The following SAXO3 variants were observed in gnomAD, a reference collection of about 807,000 sequenced individuals.
SAXO3 encodes the protein stabilizer of axonemal microtubules 3.
the SAXO3 span, chr19:49,018,848 G>A: frequency 1.2e-4 from 187 of 1,515,364 alleles, no homozygotes; most frequent in Non-Finnish European, 1.5e-4. Flanking sequence ...TGCAGGAGGC[G>A]GTGCCGAGCG....
At chr19:49,018,891 T>C in the SAXO3 span, 2 of 1,534,028 alleles carry the variant, frequency 1.3e-6, no homozygotes, top group Non-Finnish European at 1.7e-6. Context: ...GAACCGAAAG[T>C]CCCGCGCCGA....
the SAXO3 span, chr19:49,019,722 C>T: frequency 4.3e-6 from 5 of 1,170,604 alleles, no homozygotes; most frequent in South Asian, 1.1e-4. Flanking sequence ...CGCGCGGGTC[C>T]CCGCTGGGAG....
chr19:49,018,187 G>C, the SAXO3 span: 2 of 433,722 alleles, frequency 4.6e-6, no homozygotes, highest in Middle Eastern at 6.0e-4. Context: ...AGGTCACCGG[G>C]CTGACGCGCG....
chr19:49,019,454 G>C, the SAXO3 span: 1 of 1,254,700 alleles, frequency 8.0e-7, no homozygotes, highest in Non-Finnish European at 1.0e-6. Flanking sequence ...CAGCTTAGGA[G>C]CCCTGAAGGT....
the SAXO3 span, chr19:49,019,666 T>A: frequency 8.2e-7 from 1 of 1,217,748 alleles, no homozygotes; most frequent in Non-Finnish European, 1.0e-6. Flanking sequence ...ACCCCCGCGG[T>A]GGTGGTCTGC....
the SAXO3 span, chr19:49,018,928 C>G: frequency 6.5e-7 from 1 of 1,534,442 alleles, no homozygotes; most frequent in African/African-American, 1.4e-5. Flanking sequence ...TGGCGGCGGT[C>G]CAGGACGCCC....
the SAXO3 span, chr19:49,019,932 C>T: frequency 2.7e-6 from 4 of 1,496,562 alleles, no homozygotes; most frequent in African/African-American, 5.6e-5. Flanking sequence ...TCCTTGATCC[C>T]CACAGTCCGC....
At chr19:49,017,969 C>G in the SAXO3 span, 1 of 398,418 alleles carries the variant, frequency 2.5e-6, no homozygotes, top group African/African-American at 2.1e-5. Context: ...CCTGACGGCT[C>G]ACACCAGCGC....
the SAXO3 span, chr19:49,020,344 C>A: frequency 9.8e-4 from 405 of 414,290 alleles, 1 homozygote; most frequent in African/African-American, 7.5e-3. Context: ...GTCTCCAGGC[C>A]CGGCAGGGCT....
chr19:49,019,047 A>G, the SAXO3 span: 1 of 1,488,776 alleles, frequency 6.7e-7, no homozygotes, highest in Non-Finnish European at 8.9e-7. Context: ...TAGATTTCAT[A>G]CCCCATCCCA....
the SAXO3 span, chr19:49,019,919 A>G: frequency 1.7e-5 from 26 of 1,487,352 alleles, no homozygotes; most frequent in South Asian, 8.4e-5. Context: ...CTTTTCTCCT[A>G]AATCCTTGAT....
chr19:49,019,711 G>A, the SAXO3 span: 1,057 of 1,187,250 alleles, frequency 8.9e-4, 4 homozygotes, highest in Non-Finnish European at 1.0e-3. Flanking sequence ...GTATTCCGGG[G>A]CGCGCGGGTC....
At chr19:49,018,204 G>A in the SAXO3 span, 10 of 499,762 alleles carry the variant, frequency 2.0e-5, no homozygotes, top group African/African-American at 1.4e-4. Flanking sequence ...CGCGGCACGC[G>A]GACCCGCGGT....
the SAXO3 span, chr19:49,018,317 C>T: frequency 7.4e-6 from 9 of 1,214,526 alleles, no homozygotes; most frequent in Non-Finnish European, 9.3e-6. Context: ...GGAGTCCTTG[C>T]GGGGGTATCC....
chr19:49,019,812 C>A, the SAXO3 span: 1 of 1,253,348 alleles, frequency 8.0e-7, no homozygotes, highest in Non-Finnish European at 1.1e-6. Flanking sequence ...GTCTGAGCTG[C>A]GGAAAGGCGA....
chr19:49,019,942 C>T, the SAXO3 span: 98 of 1,498,810 alleles, frequency 6.5e-5, no homozygotes, highest in African/African-American at 1.1e-3. Flanking sequence ...CCACAGTCCG[C>T]GTGGGGTCTG....
At chr19:49,020,152 T>C in the SAXO3 span, 5 of 575,010 alleles carry the variant, frequency 8.7e-6, no homozygotes, top group Non-Finnish European at 1.4e-5. Flanking sequence ...GACTCAGGAG[T>C]CCCTATCACC....
the SAXO3 span, chr19:49,019,430 G>A: frequency 7.2e-6 from 9 of 1,258,078 alleles, no homozygotes; most frequent in Non-Finnish European, 9.0e-6. Context: ...ACAGCCCGCC[G>A]TCTAGCTCCG....
the SAXO3 span, chr19:49,018,353 G>A: frequency 2.5e-6 from 3 of 1,218,018 alleles, no homozygotes; most frequent in Non-Finnish European, 3.1e-6. Context: ...GTGGGAGCAG[G>A]GCGGGATGGT....
Sources: gnomAD v4.1 joint callset for allele counts on GRCh38, gnomAD v4.1.1 for gene constraint, MANE v1.5 for transcripts, NCBI Gene and HGNC (gene_info 2026-07-23, HGNC 2026-07-21) for gene names.